Variants in MCOLN3 observed in about 807,000 individuals in gnomAD.
MCOLN3 encodes the protein mucolipin TRP cation channel 3.
MCOLN3 carries 62 observed loss-of-function variants against 69.4 expected under a neutral mutation model. The ratio of observed to expected loss-of-function variants is 0.89; its 90% CI spans 0.73 to 1.10. The LOEUF (loss-of-function observed/expected upper bound fraction) is 1.10. Among genes scored for constraint, MCOLN3 ranks in the 50% least tolerant of loss-of-function variants. The probability of loss-of-function intolerance (pLI) is 0.00; values close to 1 mark genes in which losing one functional copy is unlikely to be tolerated. For synonymous variants in MCOLN3, 183 were observed against 217.0 expected (o/e 0.84, Z 1.38); for missense variants, 564 against 656.4 (o/e 0.86, Z 1.54).
At chr1:85,033,977 A>G (rs947601258) in intron 4 of MCOLN3, 121 bp downstream of exon 4, 7 of 1,080,872 alleles carry the variant, frequency 6.5e-6, no homozygotes. Context: ...TAACTCGTAT[A>G]TCATTCTTAC....
intron 3 of MCOLN3, among the ~76,000 whole-genome samples, chr1:85,038,295 T>C (rs187484838): frequency 1.1e-4 from 17 of 152,086 alleles, no homozygotes; most frequent in African/African-American, 3.9e-4. Flanking sequence ...GACATTTCTG[T>C]AGGAAAACGA....
At chr1:85,034,348 C>G in intron 3 of MCOLN3, 97 bp from the exon 4 acceptor site, 8 of 1,287,146 alleles carry the variant, frequency 6.2e-6, no homozygotes, top group Non-Finnish European at 8.8e-6. Flanking sequence ...CTGGCAGGTT[C>G]CCTTGGGATA....
In MCOLN3 at chr1:85,021,116, A is replaced by C. The variant is rs780455389; in HGVS notation, c.1481T>G (p.Leu494Ter). 6.2e-6 allele frequency: 10 copies of C among 1,611,918 alleles called. No individual in the cohort carries two copies. The South Asian group carries it at 1.1e-4, about 18-fold the overall frequency. The part of the protein sequence containing the change: ...SFISLFIYMI[L>*]SLFIALITDT... ...AGTGATCAGTGCAATGAAAAGACTT[A>C]AAATCATATATATAAAGAGGCTGAT... The change falls in exon 12 of 13, where the codon TTA becomes TGA. Residue 494 changes from leucine to a stop codon, truncating the protein, a stop_gained. Coordinates refer to ENST00000370589, the MANE Select transcript of MCOLN3 (RefSeq NM_018298.11). LOFTEE classifies it high-confidence loss of function.
intron 1 of MCOLN3, among the ~76,000 whole-genome samples, chr1:85,048,170 G>A (rs1369016111): frequency 2.0e-5 from 3 of 152,134 alleles, no homozygotes; most frequent in Admixed American, 2.0e-4. Context: ...GGCCCGGCAG[G>A]CGCGCTCCTC....
At position 85,045,248 on chromosome 1, in the gene MCOLN3, A is replaced by G. The variant is rs371704762; in HGVS notation, c.113T>C (p.Met38Thr). The change falls in exon 2 of 13, where the codon ATG (methionine) becomes ACG (threonine). Residue 38 changes from methionine (M) to threonine (T), a missense_variant. Met to Thr is a moderately conservative substitution (Grantham distance 81, BLOSUM62 -1). Transcript: ENST00000370589. ...GAAAAAAAATTTGAGTTTTCGCCTC[A>G]TCTGGTCTTCTAATAGAAGCTCCTC... ...PSEELLLEDQ[M>T]RRKLKFFFMN... 4.3e-6 allele frequency: 7 copies of G among 1,614,034 alleles called. No individual in the cohort carries two copies. The South Asian group carries it at 5.5e-5, about 13-fold the overall frequency.
chr1:85,019,818 C>T (rs1489148612), intron 12 of MCOLN3, among the ~76,000 whole-genome samples: 1 of 152,180 alleles, frequency 6.6e-6, no homozygotes, highest in Non-Finnish European at 1.5e-5. Context: ...CCAATCTGCA[C>T]ACCCTTTTGG....
chr1:85,032,918 C>T lies in MCOLN3; in HGVS notation c.589G>A (p.Gly197Arg). 6.2e-7 allele frequency: 1 copy of T among 1,614,018 alleles called. No individual in the cohort carries two copies. The highest frequency in any genetic ancestry group is 1.1e-5 in the South Asian group (1 of 91,078). Residue 197 changes from glycine to arginine, a missense_variant, in exon 5 of 13, where the codon GGG (glycine) becomes AGG (arginine). Physicochemically the swap from Gly to Arg is moderately radical, Grantham distance 125 (BLOSUM62 -2). Transcript: ENST00000370589. The stretch of plus-strand genomic sequence containing the variant: ...TTCAGTTTATTTTCTGCTGGTGTCC[C>T]AATGTGAAAAGGTTCATCTGGCTCC... ...FVEPDEPFHIGTPAENKLNLT... is the reference protein window; with the variant it reads ...FVEPDEPFHIRTPAENKLNLT...
At chr1:85,025,252 T>C (rs750599955) in intron 9 of MCOLN3, 7 of 152,236 alleles carry the variant, frequency 4.6e-5, no homozygotes, top group Non-Finnish European at 7.3e-5. Context: ...AGCCATTGCA[T>C]TTGGGGTCTC....
At chr1:85,040,043 G>A (rs971105987) in intron 3 of MCOLN3, among the ~76,000 whole-genome samples, 7 of 152,034 alleles carry the variant, frequency 4.6e-5, no homozygotes, top group Admixed American at 3.9e-4. Flanking sequence ...GTTTAGATCA[G>A]ACTAGCTTTA....
At chr1:85,031,460 A>G (rs1026957431) in intron 6 of MCOLN3, among the ~76,000 whole-genome samples, 7 of 152,184 alleles carry the variant, frequency 4.6e-5, no homozygotes, top group Non-Finnish European at 8.8e-5. Flanking sequence ...CCCTTATTTC[A>G]TCATTACACA....
chr1:85,032,578 A>G (rs1051192963), intron 6 of MCOLN3, 118 bp downstream of exon 6: 7 of 792,230 alleles, frequency 8.8e-6, no homozygotes, highest in Admixed American at 7.7e-5. Context: ...CCTTATGCAC[A>G]TTCAAGTGAA....
At chr1:85,037,042 C>A (rs1019512150) in intron 3 of MCOLN3, among the ~76,000 whole-genome samples, 1 of 152,018 alleles carries the variant, frequency 6.6e-6, no homozygotes. Flanking sequence ...TATAATAATG[C>A]GATGGAGCTC....
At chr1:85,034,005 G>T in intron 4 of MCOLN3, 93 bp downstream of exon 4, 1 of 1,356,598 alleles carries the variant, frequency 7.4e-7, no homozygotes, top group Non-Finnish European at 1.0e-6. Flanking sequence ...TAATATCACA[G>T]ACCAAATCAA....
intron 6 of MCOLN3, among the ~76,000 whole-genome samples, chr1:85,031,186 G>A (rs554748636): frequency 1.3e-5 from 2 of 150,520 alleles, no homozygotes; most frequent in East Asian, 2.0e-4. Context: ...CAGGAGAATC[G>A]CTTGAACCCG....
intron 9 of MCOLN3, among the ~76,000 whole-genome samples, chr1:85,023,945 T>C (rs1005301963): frequency 2.6e-5 from 4 of 152,100 alleles, no homozygotes; most frequent in African/African-American, 9.7e-5. Flanking sequence ...TGAGGGTACA[T>C]AGTTGGTTAT....
chr1:85,021,000 G>A, intron 12 of MCOLN3, 70 bp downstream of exon 12: 2 of 1,119,558 alleles, frequency 1.8e-6, no homozygotes, highest in Non-Finnish European at 2.6e-6. Flanking sequence ...CTACCATTAG[G>A]TACTGAATTT....
Position 85,018,764 on chromosome 1 carries a change from G to T in MCOLN3, c.*359C>A. On this transcript the variant is annotated 3_prime_UTR_variant, in exon 13 of 13. Transcript: ENST00000370589. Reference sequence around the variant, plus strand: ...ACTGAGTTGTCCAAAGTCACAGTCAGACCAAGGATTGTTTTCCACTAATTA... The same window carrying T: ...ACTGAGTTGTCCAAAGTCACAGTCATACCAAGGATTGTTTTCCACTAATTA... The T allele has an allele frequency of 5.5e-6, 1 of 182,316 alleles. No individual in the cohort carries two copies. Among genetic ancestry groups the T allele is most frequent in the Non-Finnish European group, 1.1e-5 (1 of 88,138 alleles). 11.3% of individuals were successfully genotyped at this position (182,316 alleles called of 1,614,324 possible).
chr1:85,023,356 T>C (rs1652048174), intron 9 of MCOLN3: 1 of 152,292 alleles, frequency 6.6e-6, no homozygotes, highest in African/African-American at 2.4e-5. Flanking sequence ...GCTGGGATTA[T>C]ATGAGTCACA....
At chr1:85,033,731 T>C (rs1295584304) in intron 4 of MCOLN3, among the ~76,000 whole-genome samples, 2 of 152,210 alleles carry the variant, frequency 1.3e-5, no homozygotes, top group Non-Finnish European at 2.9e-5. Context: ...TATCTATTAA[T>C]ACTTCACTGG....
Sources: allele counts gnomAD v4.1 joint callset (sites outside exome capture counted in the v4.1 genomes callset), GRCh38; gene constraint gnomAD v4.1.1; transcripts MANE v1.5; gene names NCBI Gene and HGNC (gene_info 2026-07-23, HGNC 2026-07-21).